COG5: variants seen among roughly 807,000 people sequenced by gnomAD.
COG5 encodes the protein conserved oligomeric Golgi complex subunit 5.
A neutral mutation model predicts 110.4 loss-of-function variants in COG5; 86 were observed. That is an observed-to-expected ratio of 0.78 (90% CI 0.65 to 0.93). The LOEUF is 0.93. Ranked by LOEUF, COG5 falls within the 40% of genes least tolerant of loss-of-function variation. The pLI, the probability that COG5 is intolerant of heterozygous loss-of-function variation, is 0.00. For missense variants in COG5, 1,077 were observed against 987.0 expected (o/e 1.09, Z -1.22); for synonymous variants, 360 against 334.6 (o/e 1.08, Z -0.83).
In COG5 at chr7:107,264,932, T is replaced by C. The variant is rs1273530836; in HGVS notation, c.1576-6549A>G. ...AAAGCAGATATGTCTATGCAGCAGT[T>C]TGCTTTCACAAAAAGACTGGAAAAA... On this transcript the variant is annotated intron_variant, in intron 14 of 21. Transcript: ENST00000297135. Among the ~76,000 whole-genome samples the C allele has an allele frequency of 2.6e-5, 4 of 152,158 alleles. No homozygotes were observed. In the East Asian group the frequency reaches 7.7e-4, roughly 29 times the overall value.
chr7:107,424,863 A>G (rs1793541926), intron 6 of COG5, among the ~76,000 whole-genome samples: 1 of 152,150 alleles, frequency 6.6e-6, no homozygotes, highest in Non-Finnish European at 1.5e-5. Context: ...TGGATGCTAG[A>G]GGGTCTGCTT....
At chr7:107,344,768 C>A (rs1490272605) in intron 10 of COG5, among the ~76,000 whole-genome samples, 1 of 152,200 alleles carries the variant, frequency 6.6e-6, no homozygotes, top group Non-Finnish European at 1.5e-5. Context: ...AGGTGATTCA[C>A]CCACCTCGGC....
intron 6 of COG5, among the ~76,000 whole-genome samples, chr7:107,483,890 A>AC (rs142269986): frequency 6.8e-6 from 1 of 147,786 alleles, no homozygotes; most frequent in East Asian, 2.0e-4. Context: ...ATGGTTATAC[A>AC]TTTTTTTTTT....
intron 11 of COG5, among the ~76,000 whole-genome samples, chr7:107,306,884 T>C (rs1807766149): frequency 6.6e-6 from 1 of 152,162 alleles, no homozygotes; most frequent in Non-Finnish European, 1.5e-5. Context: ...GTCCAAGACC[T>C]ATTTCTCAAT....
At chr7:107,379,668 T>TA (rs1382089777) in intron 7 of COG5, among the ~76,000 whole-genome samples, 1 of 142,520 alleles carries the variant, frequency 7.0e-6, no homozygotes, top group Non-Finnish European at 1.5e-5. Context: ...CCAACAAAGA[T>TA]AAAAAAAGAC....
chr7:107,255,527 C>G (rs1057448472), intron 16 of COG5, among the ~76,000 whole-genome samples: 1 of 151,618 alleles, frequency 6.6e-6, no homozygotes. Context: ...CAGTATTCTC[C>G]TAATTTTCTT....
chr7:107,489,730 A>T (rs1249135339), intron 6 of COG5, among the ~76,000 whole-genome samples: 1 of 152,208 alleles, frequency 6.6e-6, no homozygotes, highest in Non-Finnish European at 1.5e-5. Flanking sequence ...TCCCAGTCAT[A>T]TCAAAAACTT....
chr7:107,208,628 C>T, intron 21 of COG5: 1 of 985,420 alleles, frequency 1.0e-6, no homozygotes, highest in Non-Finnish European at 1.2e-6. Flanking sequence ...AAAGCCTTTC[C>T]CGAGGGCAGA....
At chr7:107,473,516 T>C (rs916226834) in intron 6 of COG5, among the ~76,000 whole-genome samples, 6 of 151,960 alleles carry the variant, frequency 3.9e-5, no homozygotes, top group African/African-American at 1.4e-4. Flanking sequence ...TCAACATGGA[T>C]AAAGCATCTT....
intron 15 of COG5, 82 bp downstream of exon 15, chr7:107,258,191 T>C: frequency 1.2e-6 from 1 of 810,248 alleles, no homozygotes; most frequent in Non-Finnish European, 2.1e-6. Context: ...TCCAAAGTAC[T>C]AAATAACAAT....
intron 6 of COG5, among the ~76,000 whole-genome samples, chr7:107,525,585 C>G (rs1481765900): frequency 1.3e-5 from 2 of 150,550 alleles, no homozygotes; most frequent in Non-Finnish European, 2.9e-5. Flanking sequence ...CAAGATCTTG[C>G]TCTGTCACCC....
At chr7:107,523,898 T>C (rs1343302014) in intron 6 of COG5, among the ~76,000 whole-genome samples, 1 of 152,022 alleles carries the variant, frequency 6.6e-6, no homozygotes, top group Non-Finnish European at 1.5e-5. Flanking sequence ...GTTAAACATA[T>C]ACCTACCATA....
chr7:107,282,021 A>G (rs2116801315), intron 13 of COG5, among the ~76,000 whole-genome samples: 1 of 152,142 alleles, frequency 6.6e-6, no homozygotes, highest in Non-Finnish European at 1.5e-5. Context: ...AAAAAAAAAA[A>G]AAGTATTTTA....
At chr7:107,526,489 T>C (rs569283065) in intron 6 of COG5, among the ~76,000 whole-genome samples, 32 of 152,286 alleles carry the variant, frequency 2.1e-4, no homozygotes, top group African/African-American at 7.5e-4. Context: ...AACAAAGAAA[T>C]AAATTTTTAA....
At chr7:107,272,848 A>G (rs1025035008) in intron 14 of COG5, among the ~76,000 whole-genome samples, 1 of 152,184 alleles carries the variant, frequency 6.6e-6, no homozygotes, top group African/African-American at 2.4e-5. Flanking sequence ...ACAACCTAAT[A>G]CTAGTGAGTT....
intron 6 of COG5, among the ~76,000 whole-genome samples, chr7:107,458,983 GA>G (rs1453337850): frequency 6.6e-6 from 1 of 151,412 alleles, no homozygotes; most frequent in Admixed American, 6.6e-5. Flanking sequence ...AGTCAGCAGA[GA>G]AGGTAAAATG....
At chr7:107,554,403 A>AC in intron 2 of COG5, 61 bp from the exon 3 acceptor site, 1 of 1,365,100 alleles carries the variant, frequency 7.3e-7, no homozygotes, top group Non-Finnish European at 1.0e-6. Flanking sequence ...TTGTAACCAC[A>AC]ATGTAGAATG....
At chr7:107,243,931 C>T (rs1196485839) in intron 17 of COG5, among the ~76,000 whole-genome samples, 4 of 152,038 alleles carry the variant, frequency 2.6e-5, no homozygotes, top group African/African-American at 7.2e-5. Context: ...TGGGTAAATA[C>T]ATGAAATTAA....
intron 12 of COG5, among the ~76,000 whole-genome samples, chr7:107,289,195 A>C (rs1402458424): frequency 1.3e-5 from 2 of 151,798 alleles, no homozygotes; most frequent in East Asian, 3.9e-4. Context: ...ATTTTTGTAT[A>C]TGATGTGAAG....
Sources: gnomAD v4.1 joint callset for allele counts (sites outside exome capture counted in the v4.1 genomes callset) on GRCh38, gnomAD v4.1.1 for gene constraint, MANE v1.5 for transcripts, NCBI Gene and HGNC (gene_info 2026-07-23, HGNC 2026-07-21) for gene names.